The following CLCN6 variants were observed in gnomAD, a reference collection of about 807,000 sequenced individuals.
CLCN6 encodes H(+)/Cl(-) exchange transporter 6.
CLCN6 carries 70 observed loss-of-function variants against 109.8 expected under a neutral mutation model. That is an observed-to-expected ratio of 0.64 (90% confidence interval 0.53 to 0.78). The LOEUF (loss-of-function observed/expected upper bound fraction) is 0.78. Among genes scored for constraint, CLCN6 ranks in the 30% least tolerant of loss-of-function variants. CLCN6 has a pLI of 0.00. For missense variants in CLCN6, 984 were observed against 1,142.3 expected (o/e 0.86, Z 2.00); for synonymous variants, 444 against 447.8 (o/e 0.99, Z 0.11).
chr1:11,817,123 C>T (rs538162828), intron 4 of CLCN6, among the ~76,000 whole-genome samples: 2 of 152,046 alleles, frequency 1.3e-5, no homozygotes, highest in African/African-American at 4.8e-5. Flanking sequence ...GACAGGGTCT[C>T]GCTTTGTCAC....
chr1:11,829,123 A>G lies in CLCN6; in HGVS notation c.1122-73A>G, dbSNP rs1644849343. The G allele has an allele frequency of 5.7e-6, 9 of 1,570,502 alleles. No individual in the cohort carries two copies. The South Asian group carries it at 1.0e-4, about 18-fold the overall frequency. ...GGAGAAATCGGGGCTGGGGGTAGGC[A>G]GGGTTATGTTTTGAATTTCTGAGAC... On this transcript the variant is annotated intron_variant, in intron 12 of 22. Transcript: ENST00000346436.
chr1:11,806,322 G>A lies in CLCN6; in HGVS notation c.60G>A (p.Glu20=). 1 of 1,514,468 alleles carries A rather than the reference G, an allele frequency of 6.6e-7. No homozygotes were observed. The highest frequency in any genetic ancestry group is 8.7e-7 in the Non-Finnish European group (1 of 1,143,662). The allele number at this position is 1,514,468 out of a possible 1,614,324, so 93.8% of individuals were successfully genotyped here. A position where few individuals can be genotyped will look rare whatever the true frequency, so the allele number is the denominator to read the frequency against. The change falls in exon 1 of 23, where the codon GAG becomes GAA. Residue 20 remains glutamate, a synonymous_variant. Coordinates refer to ENST00000346436, the MANE Select transcript of CLCN6 (RefSeq NM_001286.5). ...GCAGGTGGTGCTGCTGCTGCGGTGA[G>A]CGTGAGACCCGCACCCCCGAGGAGC... ...CCCRWCCCCG[E]RETRTPEELT...
intron 2 of CLCN6, among the ~76,000 whole-genome samples, chr1:11,809,464 A>G (rs75800607): frequency 0.061 from 9,292 of 152,028 alleles, 431 homozygotes; most frequent in African/African-American, 0.13. Context: ...TGTTCTTGTC[A>G]TTGTTTGAGA....
intron 12 of CLCN6, 29 bp from the exon 13 acceptor site, chr1:11,829,167 C>T (rs532293092): frequency 1.6e-5 from 25 of 1,606,312 alleles, no homozygotes; most frequent in Admixed American, 1.0e-4. Flanking sequence ...CTTTCTGTGG[C>T]GTTGTAACAG....
At chr1:11,814,449 TCTTGC>T (rs1423514798) in intron 2 of CLCN6, among the ~76,000 whole-genome samples, 2 of 152,042 alleles carry the variant, frequency 1.3e-5, no homozygotes, top group East Asian at 3.9e-4. Flanking sequence ...GGTTTCACCA[TCTTGC>T]CTAGGCTGGT....
In CLCN6 at chr1:11,833,573, A is replaced by G; in HGVS notation, c.1307A>G (p.Asn436Ser). 6.2e-7 allele frequency: 1 copy of G among 1,613,958 alleles called. No homozygotes were observed. The highest frequency in any genetic ancestry group is 1.1e-5 in the South Asian group (1 of 91,076). ...KTFFCPNDTY[N>S]DMATLFFNPQ... is the part of the protein sequence containing the mutation. Reference sequence around the variant, plus strand: ...TTTTTTTGTCCCAATGATACCTACAATGACATGGCCACACTCTTCTTCAAC... The same window carrying G: ...TTTTTTTGTCCCAATGATACCTACAGTGACATGGCCACACTCTTCTTCAAC... Residue 436 changes from asparagine to serine, a missense_variant, in exon 14 of 23, where the codon AAT (asparagine) becomes AGT (serine). Coordinates refer to ENST00000346436, the MANE Select transcript of CLCN6 (RefSeq NM_001286.5).
intron 5 of CLCN6, among the ~76,000 whole-genome samples, chr1:11,822,194 G>A (rs1557783642): frequency 6.6e-6 from 1 of 152,132 alleles, no homozygotes; most frequent in Non-Finnish European, 1.5e-5. Flanking sequence ...AGTTGTGAGG[G>A]TATGGGTATT....
At chr1:11,826,706 A>C (rs1187477962) in intron 9 of CLCN6, among the ~76,000 whole-genome samples, 1 of 152,188 alleles carries the variant, frequency 6.6e-6, no homozygotes, top group African/African-American at 2.4e-5. Flanking sequence ...CATACCCAGA[A>C]GGCACCTTGA....
At chr1:11,838,184 G>A (rs1351532694) in intron 20 of CLCN6, 151 bp from the exon 21 acceptor site, 1 of 704,588 alleles carries the variant, frequency 1.4e-6, no homozygotes, top group East Asian at 2.7e-5. Flanking sequence ...TTTGACTGGA[G>A]AGCTCTCACT....
At chr1:11,839,553 C>T (rs1023003572) in intron 22 of CLCN6, among the ~76,000 whole-genome samples, 6 of 152,254 alleles carry the variant, frequency 3.9e-5, no homozygotes, top group African/African-American at 1.4e-4. Flanking sequence ...TCAGCCACTG[C>T]ACCCGGCCTC....
chr1:11,806,254 A>G lies in CLCN6; in HGVS notation c.-9A>G, dbSNP rs571241565. 5.2e-5 allele frequency: 76 copies of G among 1,458,898 alleles called. No homozygotes were observed. In the East Asian group the frequency reaches 1.3e-3, roughly 25 times the overall value. 90.4% of individuals were successfully genotyped at this position (1,458,898 alleles called of 1,614,324 possible). On this transcript the variant is annotated 5_prime_UTR_variant, in exon 1 of 23. Transcript: ENST00000346436. ...GTAGAGGGGTCCAGAGTGGCAGTAA[A>G]GGAGGAAGATGGCGGGGTGCAGGGG... is the stretch of plus-strand genomic sequence containing the variant.
Position 11,835,831 on chromosome 1 carries a change from G to A in CLCN6, c.1794-136G>A, listed in dbSNP as rs74053329. 5,864 of 644,360 alleles carry A rather than the reference G, an allele frequency of 9.1e-3. 230 individuals are homozygous for A. In the African/African-American group the frequency reaches 0.092, roughly 10 times the overall value. 39.9% of individuals were successfully genotyped at this position (644,360 alleles called of 1,614,324 possible). A position where few individuals can be genotyped will look rare whatever the true frequency, so the allele number is the denominator to read the frequency against. On this transcript the variant is annotated intron_variant, in intron 17 of 22. Coordinates refer to ENST00000346436, the MANE Select transcript of CLCN6 (RefSeq NM_001286.5). ...AAGTACAAAGGAATGCATCGGGTTT[G>A]AGGGAGAGCTGGGGCAGTTCAGAAG... is the stretch of plus-strand genomic sequence containing the variant.
chr1:11,813,722 A>G (rs1444426372), intron 2 of CLCN6, among the ~76,000 whole-genome samples: 1 of 152,136 alleles, frequency 6.6e-6, no homozygotes, highest in Non-Finnish European at 1.5e-5. Flanking sequence ...AAAGCACACC[A>G]TTTGTGCTAT....
At chr1:11,818,720 G>A (rs1452853779) in intron 4 of CLCN6, among the ~76,000 whole-genome samples, 1 of 152,242 alleles carries the variant, frequency 6.6e-6, no homozygotes, top group Non-Finnish European at 1.5e-5. Context: ...ACTTTGGAGA[G>A]TGGAATACTG....
At position 11,833,598 on chromosome 1, in the gene CLCN6, C is replaced by T; in HGVS notation, c.1332C>T (p.Asn444=). The T allele has an allele frequency of 6.2e-7, 1 of 1,613,974 alleles. No individual in the cohort carries two copies. The highest frequency in any genetic ancestry group is 1.6e-4 in the Middle Eastern group (1 of 6,062). ...TYNDMATLFF[N]PQESAILQLF... is the part of the protein sequence containing the mutation. Reference sequence around the variant, plus strand: ...ATGACATGGCCACACTCTTCTTCAACCCGCAGGAGTCTGCCATCCTCCAGC... The same window carrying T: ...ATGACATGGCCACACTCTTCTTCAATCCGCAGGAGTCTGCCATCCTCCAGC... Residue 444 remains asparagine, a synonymous_variant, in exon 14 of 23, where the codon AAC becomes AAT. Transcript: ENST00000346436.
At chr1:11,823,097 T>C (rs796131099) in intron 6 of CLCN6, among the ~76,000 whole-genome samples, 7 of 152,324 alleles carry the variant, frequency 4.6e-5, no homozygotes, top group African/African-American at 1.4e-4. Flanking sequence ...GGATCATTCA[T>C]GTCCCAAACC....
At chr1:11,819,377 GC>G (rs1387555965) in intron 4 of CLCN6, 110 bp from the exon 5 acceptor site, 9 of 945,918 alleles carry the variant, frequency 9.5e-6, no homozygotes, top group Non-Finnish European at 1.6e-5. Context: ...CTGGTGAGCA[GC>G]CTCCGTATGT....
chr1:11,811,167 C>T lies in CLCN6; in HGVS notation c.147+3977C>T, dbSNP rs376489432. On this transcript the variant is annotated intron_variant, in intron 2 of 22. Transcript: ENST00000346436. ...CGGAGGTTGCAGAGAGCTGTGATCA[C>T]GCCACTGCACTCCAGCCTGGGTGAC... is the stretch of plus-strand genomic sequence containing the variant. 9.1e-4 allele frequency among the ~76,000 whole-genome samples: 139 copies of T among 152,024 alleles called. 1 individual carries two copies. The highest frequency in any genetic ancestry group is 2.7e-3 in the African/African-American group (111 of 41,482).
At chr1:11,815,999 T>G in intron 3 of CLCN6, 88 bp downstream of exon 3, 1 of 970,426 alleles carries the variant, frequency 1.0e-6, no homozygotes, top group South Asian at 1.3e-5. Flanking sequence ...GTAAACATCT[T>G]TACACCTTGT....
Sources: gnomAD v4.1 joint callset for allele counts (sites outside exome capture counted in the v4.1 genomes callset) on GRCh38, gnomAD v4.1.1 for gene constraint, MANE v1.5 for transcripts, NCBI Gene and HGNC (gene_info 2026-07-23, HGNC 2026-07-21) for gene names.